ITPR2: variants seen among roughly 807,000 people sequenced by gnomAD.
The protein encoded by ITPR2 is inositol 1,4,5-trisphosphate receptor type 2.
ITPR2 carries 207 observed loss-of-function variants against 317.1 expected under a neutral mutation model. The observed-to-expected ratio is 0.65, with a 90% CI of 0.58 to 0.73. The LOEUF (loss-of-function observed/expected upper bound fraction) is 0.73. Among genes scored for constraint, ITPR2 ranks in the 30% least tolerant of loss-of-function variants. The pLI is 0.00. For missense variants in ITPR2, 2,613 were observed against 3,284.0 expected (o/e 0.80, Z 4.99); for synonymous variants, 1,156 against 1,149.1 (o/e 1.01, Z -0.12).
intron 55 of ITPR2, among the ~76,000 whole-genome samples, chr12:26,365,700 A>G (rs1938987237): frequency 6.6e-6 from 1 of 152,232 alleles, no homozygotes; most frequent in African/African-American, 2.4e-5. Flanking sequence ...AGGCAAATCT[A>G]TCACTTAAGG....
At chr12:26,556,155 A>T (rs1171968308) in intron 36 of ITPR2, 78 bp downstream of exon 36, 5 of 1,380,350 alleles carry the variant, frequency 3.6e-6, no homozygotes, top group Non-Finnish European at 4.9e-6. Flanking sequence ...ATTTTATATC[A>T]GTGAAGTATA....
At chr12:26,715,525 C>T (rs772643082) in intron 7 of ITPR2, 80 bp from the exon 8 acceptor site, 9 of 1,226,364 alleles carry the variant, frequency 7.3e-6, no homozygotes, top group South Asian at 1.5e-5. Flanking sequence ...ACTCTGGGCC[C>T]TTCTACTAGC....
chr12:26,456,633 G>A (rs944659244), intron 45 of ITPR2, among the ~76,000 whole-genome samples: 1 of 152,082 alleles, frequency 6.6e-6, no homozygotes, highest in African/African-American at 2.4e-5. Context: ...TGAGGTCCAA[G>A]AACCCTCTAA....
chr12:26,702,916 A>G (rs1426741307), intron 9 of ITPR2, among the ~76,000 whole-genome samples: 1 of 152,160 alleles, frequency 6.6e-6, no homozygotes, highest in Non-Finnish European at 1.5e-5. Context: ...AAAAGATGCT[A>G]TTCTTAAATA....
At chr12:26,591,567 C>T (rs927934313) in intron 32 of ITPR2, among the ~76,000 whole-genome samples, 23 of 152,214 alleles carry the variant, frequency 1.5e-4, no homozygotes, top group African/African-American at 5.3e-4. Context: ...CAGAGGCTCA[C>T]GCCTGTAATC....
intron 13 of ITPR2, among the ~76,000 whole-genome samples, chr12:26,673,770 T>C (rs377652512): frequency 2.7e-5 from 4 of 146,192 alleles, no homozygotes; most frequent in Admixed American, 6.9e-5. Context: ...TGTTTGCAGA[T>C]GACATGATTG....
At chr12:26,746,764 G>T (rs1450018640) in intron 2 of ITPR2, among the ~76,000 whole-genome samples, 3 of 151,954 alleles carry the variant, frequency 2.0e-5, no homozygotes, top group Non-Finnish European at 2.9e-5. Context: ...AATGTGTGTT[G>T]CATGTACCTA....
At chr12:26,662,871 A>C (rs1947534044) in intron 15 of ITPR2, among the ~76,000 whole-genome samples, 1 of 151,990 alleles carries the variant, frequency 6.6e-6, no homozygotes. Context: ...GGGCCTCGCT[A>C]TATTGCCTAG....
chr12:26,670,860 C>T (rs1367843890), intron 13 of ITPR2, among the ~76,000 whole-genome samples: 3 of 152,032 alleles, frequency 2.0e-5, no homozygotes, highest in African/African-American at 4.8e-5. Context: ...CTTAAAGGAG[C>T]GATGGAGCTG....
At chr12:26,451,437 C>A (rs1195898040) in intron 45 of ITPR2, among the ~76,000 whole-genome samples, 2 of 150,502 alleles carry the variant, frequency 1.3e-5, no homozygotes, top group Non-Finnish European at 2.9e-5. Flanking sequence ...GCCTTCCCTC[C>A]CCAGCAGTAC....
At chr12:26,531,974 C>A (rs1232435049) in intron 37 of ITPR2, among the ~76,000 whole-genome samples, 2 of 152,088 alleles carry the variant, frequency 1.3e-5, no homozygotes, top group Admixed American at 1.3e-4. Flanking sequence ...TACGGTAATG[C>A]TGTCTTAAAA....
At chr12:26,581,260 T>C (rs548258020) in intron 32 of ITPR2, among the ~76,000 whole-genome samples, 92 of 152,308 alleles carry the variant, frequency 6.0e-4, no homozygotes, top group Non-Finnish European at 1.2e-3. Context: ...CTGGGGCTTT[T>C]GTTTTGAGAT....
intron 55 of ITPR2, among the ~76,000 whole-genome samples, chr12:26,360,025 C>T (rs1938776299): frequency 1.3e-5 from 2 of 152,134 alleles, no homozygotes; most frequent in South Asian, 4.1e-4. Context: ...GATTGAAAAT[C>T]ACTGACACAC....
In ITPR2 at chr12:26,339,384, T is replaced by TC; in HGVS notation, c.*12dup. ...CACTGATGAAAGGCTAGTCACGGCTTCCCCCCATGGTATCAGTGTGGTGGC... is the reference window on the plus strand; with the variant it reads ...CACTGATGAAAGGCTAGTCACGGCTTCCCCCCCATGGTATCAGTGTGGTGGC... On this transcript the variant is annotated 3_prime_UTR_variant, in exon 57 of 57. Transcript: ENST00000381340. 4 of 1,609,146 alleles carry TC rather than the reference T, an allele frequency of 2.5e-6. No individual in the cohort carries two copies. The highest frequency in any genetic ancestry group is 3.4e-6 in the Non-Finnish European group (4 of 1,175,862).
intron 23 of ITPR2, among the ~76,000 whole-genome samples, chr12:26,625,333 T>C (rs1054409433): frequency 2.0e-5 from 3 of 152,122 alleles, no homozygotes; most frequent in African/African-American, 4.8e-5. Flanking sequence ...ATGACTATAA[T>C]TGGATTATTT....
At chr12:26,365,577 A>G (rs1273256861) in intron 55 of ITPR2, among the ~76,000 whole-genome samples, 1 of 152,234 alleles carries the variant, frequency 6.6e-6, no homozygotes, top group Non-Finnish European at 1.5e-5. Flanking sequence ...AAATTTGCTC[A>G]TCTGTGCATT....
Position 26,494,232 on chromosome 12 carries a change from T to A in ITPR2, c.5291A>T (p.Asn1764Ile). Residue 1764 changes from asparagine (N) to isoleucine (I), a missense_variant, in exon 39 of 57, where the codon AAC becomes ATC. Around this residue, in one of 9 missense-constraint regions of ITPR2, gnomAD observed 926 missense variants for 1,072.8 expected, o/e 0.86. Coordinates refer to ENST00000381340, the MANE Select transcript of ITPR2 (RefSeq NM_002223.4). ...ASELVIDVIV[N>I]TKNDRIFSEG... ...TGAAAAAATTCTGTCATTTTTGGTG[T>A]TCACTATAACATCGATGACAAGTTC... 6.2e-7 allele frequency: 1 copy of A among 1,613,754 alleles called. No homozygotes were observed. The highest frequency in any genetic ancestry group is 8.5e-7 in the Non-Finnish European group (1 of 1,179,822).
intron 26 of ITPR2, among the ~76,000 whole-genome samples, chr12:26,604,612 AG>A (rs1946080482): frequency 6.6e-6 from 1 of 152,226 alleles, no homozygotes; most frequent in Non-Finnish European, 1.5e-5. Flanking sequence ...AAATGCAAAA[AG>A]TAAAAGATCA....
At chr12:26,633,777 T>G (rs1946803127) in intron 21 of ITPR2, among the ~76,000 whole-genome samples, 1 of 152,244 alleles carries the variant, frequency 6.6e-6, no homozygotes, top group Non-Finnish European at 1.5e-5. Flanking sequence ...TGAGACTTGA[T>G]TCAAGTATGT....
Sources: gnomAD v4.1 joint callset for allele counts (sites outside exome capture counted in the v4.1 genomes callset) on GRCh38, gnomAD v4.1.1 for gene constraint, gnomAD v4.1.1 regional missense constraint, MANE v1.5 for transcripts, NCBI Gene and HGNC (gene_info 2026-07-23, HGNC 2026-07-21) for gene names.